The following THSD4 variants were observed in gnomAD, a reference collection of about 807,000 sequenced individuals.
THSD4 encodes thrombospondin type-1 domain-containing protein 4.
A neutral mutation model predicts 119.0 loss-of-function variants in THSD4; 69 were observed. The observed-to-expected ratio is 0.58, with a 90% CI of 0.48 to 0.71. The LOEUF (loss-of-function observed/expected upper bound fraction) is 0.71. THSD4 is among the 30% of genes least tolerant of loss of function. The pLI is 0.00. For synonymous variants in THSD4, 524 were observed against 540.4 expected, an observed-to-expected ratio of 0.97 and a Z score of 0.42; for missense variants, 1,393 against 1,391.1, an observed-to-expected ratio of 1.00 and a Z score of -0.02.
At chr15:71,298,037 A>G (rs895827425) in intron 6 of THSD4, among the ~76,000 whole-genome samples, 5 of 152,042 alleles carry the variant, frequency 3.3e-5, no homozygotes, top group African/African-American at 1.2e-4. Flanking sequence ...GGATGTAAAG[A>G]TTTACCCTTG....
At chr15:71,347,020 C>A (rs750773991) in intron 6 of THSD4, among the ~76,000 whole-genome samples, 12 of 151,724 alleles carry the variant, frequency 7.9e-5, no homozygotes, top group Non-Finnish European at 1.8e-4. Context: ...ATTACAGGCG[C>A]GTGCCACCAC....
At chr15:71,343,650 C>T (rs1369215086) in intron 6 of THSD4, among the ~76,000 whole-genome samples, 1 of 151,468 alleles carries the variant, frequency 6.6e-6, no homozygotes, top group Non-Finnish European at 1.5e-5. Context: ...CCTGTGCTTT[C>T]TCTTATAAGG....
intron 6 of THSD4, among the ~76,000 whole-genome samples, chr15:71,297,320 T>TTTTTTTTTTTG (rs111707595): frequency 1.3e-4 from 19 of 148,084 alleles, no homozygotes; most frequent in Admixed American, 3.4e-4. Context: ...CTCTTCTTTT[T>TTTTTTTTTTTG]TTTGTTTGTT....
intron 6 of THSD4, among the ~76,000 whole-genome samples, chr15:71,384,518 A>T (rs2046271591): frequency 1.3e-5 from 2 of 152,170 alleles, no homozygotes; most frequent in South Asian, 4.1e-4. Flanking sequence ...TGCCTTCTGG[A>T]TGAGGTAAGT....
chr15:71,546,293 G>A (rs144362673), intron 7 of THSD4, among the ~76,000 whole-genome samples: 5 of 152,200 alleles, frequency 3.3e-5, no homozygotes, highest in Admixed American at 6.5e-5. Flanking sequence ...GCCACCAAGA[G>A]CCTCAGAATA....
At chr15:71,290,970 T>A (rs2044784676) in intron 6 of THSD4, among the ~76,000 whole-genome samples, 1 of 151,666 alleles carries the variant, frequency 6.6e-6, no homozygotes, top group South Asian at 2.1e-4. Context: ...AAAAACATAT[T>A]CCCCCAAATT....
rs1373031164 is a variant in THSD4, at chr15:71,235,333, A to G, written c.465-7316A>G. Among the ~76,000 whole-genome samples the G allele has an allele frequency of 3.9e-5, 6 of 152,296 alleles. No homozygotes were observed. In the East Asian group the frequency reaches 9.7e-4, roughly 25 times the overall value. On this transcript the variant is annotated intron_variant, in intron 4 of 17. Coordinates refer to ENST00000261862, the MANE Select transcript of THSD4 (RefSeq NM_024817.3). ...ATATATAGTAACAGTTCAAAGTGCA[A>G]ATGTGGCATAAAGGCTCTCTTTAAG...
chr15:71,453,297 C>T (rs986102651), intron 7 of THSD4, among the ~76,000 whole-genome samples: 3 of 152,208 alleles, frequency 2.0e-5, no homozygotes, highest in Non-Finnish European at 4.4e-5. Context: ...AGGCCAAGCC[C>T]TTTCAGAATT....
At chr15:71,275,693 G>A (rs1360609838) in intron 6 of THSD4, among the ~76,000 whole-genome samples, 2 of 152,136 alleles carry the variant, frequency 1.3e-5, no homozygotes, top group Non-Finnish European at 2.9e-5. Flanking sequence ...CACCTGTTAT[G>A]GGAGGGTCCA....
chr15:71,358,511 G>C (rs1006925852), intron 6 of THSD4, among the ~76,000 whole-genome samples: 1 of 152,212 alleles, frequency 6.6e-6, no homozygotes, highest in Non-Finnish European at 1.5e-5. Context: ...GGGCTTTCAA[G>C]AGCTTCAGCT....
At chr15:71,663,636 A>G (rs1333451458) in intron 8 of THSD4, among the ~76,000 whole-genome samples, 2 of 152,144 alleles carry the variant, frequency 1.3e-5, no homozygotes, top group East Asian at 3.8e-4. Flanking sequence ...AAGTCTGTAT[A>G]TTTTAAAAGT....
intron 6 of THSD4, chr15:71,341,447 T>A (rs2045573993): frequency 6.2e-7 from 1 of 1,613,068 alleles, no homozygotes; most frequent in African/African-American, 1.3e-5. Context: ...CAGCAAGAAT[T>A]CAGCACTCTT....
At chr15:71,381,688 A>G (rs1005529778) in intron 6 of THSD4, among the ~76,000 whole-genome samples, 1 of 152,194 alleles carries the variant, frequency 6.6e-6, no homozygotes, top group African/African-American at 2.4e-5. Context: ...ATAATCAGCA[A>G]TTGAAAAGAA....
At chr15:71,101,337 C>A (rs1020377715) in intron 1 of THSD4, among the ~76,000 whole-genome samples, 1 of 152,094 alleles carries the variant, frequency 6.6e-6, no homozygotes, top group African/African-American at 2.4e-5. Flanking sequence ...AATATTAGAT[C>A]TTCTCACCAT....
chr15:71,170,724 A>G (rs1489320650), intron 3 of THSD4, among the ~76,000 whole-genome samples: 1 of 152,212 alleles, frequency 6.6e-6, no homozygotes, highest in Non-Finnish European at 1.5e-5. Context: ...GAGAATAATC[A>G]CTGAATTGAA....
intron 6 of THSD4, among the ~76,000 whole-genome samples, chr15:71,294,853 G>A (rs771576930): frequency 2.0e-5 from 3 of 150,772 alleles, no homozygotes; most frequent in African/African-American, 4.9e-5. Flanking sequence ...TATTTGATGC[G>A]TCGGTGGTCA....
At chr15:71,342,016 A>G (rs921613248) in intron 6 of THSD4, among the ~76,000 whole-genome samples, 3 of 152,198 alleles carry the variant, frequency 2.0e-5, no homozygotes, top group Admixed American at 6.5e-5. Context: ...TTAACAGTAG[A>G]TGAGGATAGT....
Position 71,222,738 on chromosome 15 carries a change from C to T in THSD4, c.464+7339C>T, listed in dbSNP as rs187752162. Among the ~76,000 whole-genome samples the T allele has an allele frequency of 3.7e-4, 56 of 152,300 alleles. No homozygotes were observed. The East Asian group carries it at 9.7e-3, about 26-fold the overall frequency. On this transcript the variant is annotated intron_variant, in intron 4 of 17. Coordinates refer to ENST00000261862, the MANE Select transcript of THSD4 (RefSeq NM_024817.3). ...TGGTCGGGTGAGGAAAACTCTTGCC[C>T]AGGCGTGCAGACCCACACTTCAAGA...
In THSD4 at chr15:71,116,244, C is replaced by G. The variant is rs562813633; in HGVS notation, c.-80+546C>G. On this transcript the variant is annotated intron_variant, in intron 1 of 17. Coordinates refer to ENST00000261862, the MANE Select transcript of THSD4 (RefSeq NM_024817.3). ...CTGCAACCCAGCGAGCGCCTGGAGC[C>G]CGAGTGGATGGGTTGTTTCCGCCAA... 4.6e-4 allele frequency among the ~76,000 whole-genome samples: 70 copies of G among 152,366 alleles called. 1 individual carries two copies. The highest frequency in any genetic ancestry group is 5.7e-4 in the Non-Finnish European group (39 of 68,036).
Sources: allele counts gnomAD v4.1 joint callset (sites outside exome capture counted in the v4.1 genomes callset), GRCh38; gene constraint gnomAD v4.1.1; transcripts MANE v1.5; gene names NCBI Gene and HGNC (gene_info 2026-07-23, HGNC 2026-07-21).